Variants in DRC8 observed in about 807,000 individuals in gnomAD.
DRC8 encodes dynein regulatory complex subunit 8.
chr1:244,975,884 A>T, the DRC8 span, among the ~76,000 whole-genome samples: 35 of 152,020 alleles, frequency 2.3e-4, no homozygotes, highest in South Asian at 6.2e-4. Flanking sequence ...AATAAATAAA[A>T]AATACAATAA....
the DRC8 span, among the ~76,000 whole-genome samples, chr1:244,984,849 T>TAAA: frequency 1.7e-5 from 1 of 58,748 alleles, no homozygotes; most frequent in Admixed American, 2.0e-4. Flanking sequence ...CACCCCCCCT[T>TAAA]CAAAAAAAAA....
the DRC8 span, among the ~76,000 whole-genome samples, chr1:245,075,228 G>A: frequency 6.6e-6 from 1 of 152,190 alleles, no homozygotes; most frequent in African/African-American, 2.4e-5. Context: ...ACTCCAGGCT[G>A]TGATCCCGTC....
At chr1:245,060,065 C>G in the DRC8 span, among the ~76,000 whole-genome samples, 1 of 152,128 alleles carries the variant, frequency 6.6e-6, no homozygotes, top group African/African-American at 2.4e-5. Flanking sequence ...AAAAAAGCTA[C>G]CTGGCCAGGA....
the DRC8 span, among the ~76,000 whole-genome samples, chr1:245,019,164 G>C: frequency 6.6e-6 from 1 of 152,210 alleles, no homozygotes; most frequent in Non-Finnish European, 1.5e-5. Context: ...GGCCCTGAGG[G>C]AAAGTGGATG....
the DRC8 span, among the ~76,000 whole-genome samples, chr1:245,090,110 G>C: frequency 1.3e-5 from 2 of 152,220 alleles, no homozygotes; most frequent in African/African-American, 4.8e-5. Flanking sequence ...TTAAGGTTTT[G>C]TCATGTGCGT....
At chr1:245,059,368 A>G in the DRC8 span, 2 of 1,599,234 alleles carry the variant, frequency 1.3e-6, no homozygotes. Flanking sequence ...AAACCATTGA[A>G]AACTTTTTTT....
the DRC8 span, among the ~76,000 whole-genome samples, chr1:245,057,253 A>G: frequency 1.3e-5 from 2 of 152,184 alleles, no homozygotes; most frequent in African/African-American, 4.8e-5. Flanking sequence ...ACATGTAAGG[A>G]GGCAGCTTTA....
At chr1:245,107,954 GTTCCCACTCCGGGC>G in the DRC8 span, among the ~76,000 whole-genome samples, 1 of 152,058 alleles carries the variant, frequency 6.6e-6, no homozygotes, top group South Asian at 2.1e-4. Context: ...CTCTGCTGTT[GTTCCCACTCCGGGC>G]TACCTCCTCA....
chr1:245,110,193 G>A, the DRC8 span, among the ~76,000 whole-genome samples: 1 of 152,206 alleles, frequency 6.6e-6, no homozygotes, highest in South Asian at 2.1e-4. Flanking sequence ...GACCAGCCTG[G>A]CCAACATGGT....
chr1:244,985,442 A>G, the DRC8 span, among the ~76,000 whole-genome samples: 3 of 152,190 alleles, frequency 2.0e-5, no homozygotes, highest in African/African-American at 7.2e-5. Context: ...CACATGCCGT[A>G]AGAGCTCTAG....
the DRC8 span, among the ~76,000 whole-genome samples, chr1:245,066,331 G>A: frequency 0.041 from 6,182 of 152,274 alleles, 180 homozygotes; most frequent in East Asian, 0.11. Context: ...TATTAATAAT[G>A]TAAATCTAGA....
At chr1:245,042,266 G>A in the DRC8 span, among the ~76,000 whole-genome samples, 1 of 152,188 alleles carries the variant, frequency 6.6e-6, no homozygotes, top group South Asian at 2.1e-4. Context: ...TGTTTTTAAT[G>A]ATATACAGGA....
At chr1:245,061,508 C>T in the DRC8 span, among the ~76,000 whole-genome samples, 8 of 152,144 alleles carry the variant, frequency 5.3e-5, no homozygotes, top group South Asian at 4.1e-4. Flanking sequence ...TATTTGTATA[C>T]GAACACAATT....
the DRC8 span, among the ~76,000 whole-genome samples, chr1:245,003,098 T>C: frequency 6.6e-6 from 1 of 152,264 alleles, no homozygotes; most frequent in Non-Finnish European, 1.5e-5. Context: ...AAGGTTCATC[T>C]ACCCTATAAG....
chr1:244,984,156 C>G, the DRC8 span, among the ~76,000 whole-genome samples: 37 of 152,018 alleles, frequency 2.4e-4, 1 homozygote, highest in East Asian at 1.5e-3. Context: ...TTGTTGAATC[C>G]CATCTCTGGT....
chr1:245,052,297 T>C, the DRC8 span, among the ~76,000 whole-genome samples: 1 of 152,070 alleles, frequency 6.6e-6, no homozygotes, highest in African/African-American at 2.4e-5. Context: ...AAAGTGAAAA[T>C]TGAGATGTTC....
chr1:245,109,583 G>A, the DRC8 span, among the ~76,000 whole-genome samples: 225 of 152,334 alleles, frequency 1.5e-3, no homozygotes, highest in African/African-American at 5.1e-3. Context: ...CTGGCCGCAC[G>A]TACTGGGCAC....
chr1:245,017,378 A>G, the DRC8 span: 2 of 1,523,654 alleles, frequency 1.3e-6, no homozygotes, highest in Non-Finnish European at 1.8e-6. Flanking sequence ...GATACAAGTC[A>G]TAAGATACAA....
At chr1:245,081,791 T>G in the DRC8 span, among the ~76,000 whole-genome samples, 29 of 152,316 alleles carry the variant, frequency 1.9e-4, no homozygotes, top group South Asian at 6.2e-4. Flanking sequence ...TTGGCTGTTC[T>G]TACAGACCCA....
Sources: allele counts gnomAD v4.1 joint callset (sites outside exome capture counted in the v4.1 genomes callset), GRCh38; gene constraint gnomAD v4.1.1; transcripts MANE v1.5; gene names NCBI Gene and HGNC (gene_info 2026-07-23, HGNC 2026-07-21).